Variants in MEOX2 observed in about 807,000 individuals in gnomAD.
MEOX2 encodes mesenchyme homeobox 2, also known as homeobox protein MOX-2.
A neutral mutation model predicts 27.0 loss-of-function variants in MEOX2; 11 were observed. The ratio of observed to expected loss-of-function variants is 0.41; its 90% CI spans 0.26 to 0.68. The LOEUF (loss-of-function observed/expected upper bound fraction) is 0.68, where lower values mean the gene tolerates loss of function less well. Among genes scored for constraint, MEOX2 ranks in the 30% least tolerant of loss-of-function variants. The probability of loss-of-function intolerance (pLI) is 0.33; values close to 1 mark genes in which losing one functional copy is unlikely to be tolerated. For synonymous variants in MEOX2, 189 were observed against 155.4 expected (o/e 1.22, Z -1.61); for missense variants, 436 against 385.4 (o/e 1.13, Z -1.10).
chr7:15,634,356 T>C (rs1424302241), intron 1 of MEOX2, among the ~76,000 whole-genome samples: 1 of 151,978 alleles, frequency 6.6e-6, no homozygotes, highest in African/African-American at 2.4e-5. Flanking sequence ...CACTGGATGC[T>C]TGTAGCAAAC....
At chr7:15,633,393 G>A (rs907910144) in intron 1 of MEOX2, among the ~76,000 whole-genome samples, 3 of 151,752 alleles carry the variant, frequency 2.0e-5, no homozygotes, top group African/African-American at 7.3e-5. Flanking sequence ...ACAAATTAAG[G>A]ACAATAGTAA....
intron 1 of MEOX2, among the ~76,000 whole-genome samples, chr7:15,638,816 C>T (rs1173291616): frequency 1.3e-5 from 2 of 152,066 alleles, no homozygotes; most frequent in Non-Finnish European, 2.9e-5. Flanking sequence ...GGATTTGATA[C>T]CTTTTTTATG....
chr7:15,642,025 C>G (rs1015208666), intron 1 of MEOX2, among the ~76,000 whole-genome samples: 13 of 152,166 alleles, frequency 8.5e-5, no homozygotes, highest in Admixed American at 2.6e-4. Flanking sequence ...TGACTATTTT[C>G]TTTATCGGTC....
Position 15,626,881 on chromosome 7 carries a change from G to T in MEOX2, c.555C>A (p.Ser185Arg), listed in dbSNP as rs1220026453. 1 of 1,611,576 alleles carries T rather than the reference G, an allele frequency of 6.2e-7. No individual in the cohort carries two copies. The highest frequency in any genetic ancestry group is 1.3e-5 in the African/African-American group (1 of 74,230). The change falls in exon 2 of 3, where the codon AGC becomes AGA. Residue 185 changes from serine (S) to arginine (R), a missense_variant. Physicochemically the swap from Ser to Arg is moderately radical, Grantham distance 110. Coordinates refer to ENST00000262041, the MANE Select transcript of MEOX2 (RefSeq NM_005924.5). ...QEGNYKSEVN[S>R]KPRKERTAFT... ...ATGCTGTCCTTTCTTTCCTGGGTTT[G>T]CTGTTGACTTCTGACTTGTAATTTC... is the stretch of plus-strand genomic sequence containing the variant.
chr7:15,623,490 C>T (rs906512226), intron 2 of MEOX2, among the ~76,000 whole-genome samples: 2 of 152,150 alleles, frequency 1.3e-5, no homozygotes, highest in Admixed American at 6.5e-5. Flanking sequence ...CTGCCTCAGC[C>T]TCCCATGTAC....
chr7:15,683,254 T>G (rs963556713), intron 1 of MEOX2, among the ~76,000 whole-genome samples: 1 of 152,058 alleles, frequency 6.6e-6, no homozygotes, highest in Non-Finnish European at 1.5e-5. Flanking sequence ...AAGTATTAGA[T>G]GCAGGGATAC....
chr7:15,612,960 A>AG (rs1272840824), intron 2 of MEOX2, among the ~76,000 whole-genome samples: 1 of 152,184 alleles, frequency 6.6e-6, no homozygotes, highest in Admixed American at 6.5e-5. Context: ...GTGTTGGTCA[A>AG]AGCCCCCCAC....
chr7:15,626,723 A>G (rs779105084), intron 2 of MEOX2, 23 bp downstream of exon 2: 1 of 1,577,624 alleles, frequency 6.3e-7, no homozygotes, highest in Non-Finnish European at 8.7e-7. Flanking sequence ...AAAAGATCAT[A>G]TAATGATAAT....
chr7:15,660,682 A>G (rs1278839868), intron 1 of MEOX2, among the ~76,000 whole-genome samples: 3 of 152,156 alleles, frequency 2.0e-5, no homozygotes, highest in Non-Finnish European at 4.4e-5. Flanking sequence ...CCTGTCATAT[A>G]GTGCTCAACG....
At chr7:15,617,285 G>C (rs963908973) in intron 2 of MEOX2, among the ~76,000 whole-genome samples, 4 of 151,974 alleles carry the variant, frequency 2.6e-5, no homozygotes, top group Non-Finnish European at 5.9e-5. Context: ...GAATATTGTA[G>C]ACATTGTCTA....
chr7:15,650,384 CAATAAT>C (rs1294494972), intron 1 of MEOX2, among the ~76,000 whole-genome samples: 1 of 152,050 alleles, frequency 6.6e-6, no homozygotes, highest in Non-Finnish European at 1.5e-5. Context: ...AAGATTACTG[CAATAAT>C]ATCTTAGTGC....
At chr7:15,638,098 T>C (rs992719904) in intron 1 of MEOX2, among the ~76,000 whole-genome samples, 1 of 152,130 alleles carries the variant, frequency 6.6e-6, no homozygotes, top group African/African-American at 2.4e-5. Context: ...TTTAGTGATC[T>C]TGAACTTAGT....
chr7:15,663,598 C>A (rs971933569), intron 1 of MEOX2, among the ~76,000 whole-genome samples: 5 of 152,092 alleles, frequency 3.3e-5, no homozygotes, highest in Non-Finnish European at 7.4e-5. Flanking sequence ...CTTGGACTCC[C>A]AAAGTGCTGG....
At chr7:15,651,787 GAAC>G (rs761028527) in intron 1 of MEOX2, among the ~76,000 whole-genome samples, 1 of 151,934 alleles carries the variant, frequency 6.6e-6, no homozygotes, top group Admixed American at 6.6e-5. Flanking sequence ...GAAAAAATAT[GAAC>G]AACATTTAAT....
intron 1 of MEOX2, among the ~76,000 whole-genome samples, chr7:15,630,157 C>T (rs1328766698): frequency 2.0e-5 from 3 of 152,034 alleles, no homozygotes; most frequent in East Asian, 1.9e-4. Context: ...CTCAGCGCTT[C>T]GAGGAAATGT....
chr7:15,621,791 G>A (rs574344853), intron 2 of MEOX2, among the ~76,000 whole-genome samples: 36 of 152,244 alleles, frequency 2.4e-4, no homozygotes, highest in African/African-American at 7.0e-4. Context: ...TGTAAAGTAA[G>A]TTTTCATTTA....
intron 1 of MEOX2, among the ~76,000 whole-genome samples, chr7:15,646,992 C>G (rs1781660858): frequency 2.6e-5 from 4 of 151,906 alleles, no homozygotes; most frequent in African/African-American, 9.7e-5. Context: ...TCTGGACATA[C>G]TCCCCCAAGA....
chr7:15,666,695 T>A (rs1354134864), intron 1 of MEOX2, among the ~76,000 whole-genome samples: 2 of 131,554 alleles, frequency 1.5e-5, no homozygotes, highest in Non-Finnish European at 3.1e-5. Flanking sequence ...GAGGTTGCAG[T>A]GAGCCGAGAT....
chr7:15,631,218 T>C (rs1228392688), intron 1 of MEOX2, among the ~76,000 whole-genome samples: 1 of 151,292 alleles, frequency 6.6e-6, no homozygotes, highest in Non-Finnish European at 1.5e-5. Flanking sequence ...TTGTGATAGT[T>C]TTCTTCAAAA....
Sources: gnomAD v4.1 joint callset for allele counts (sites outside exome capture counted in the v4.1 genomes callset) on GRCh38, gnomAD v4.1.1 for gene constraint, MANE v1.5 for transcripts, NCBI Gene and HGNC (gene_info 2026-07-23, HGNC 2026-07-21) for gene names.